Variants in KAT2A observed in about 807,000 individuals in gnomAD.
KAT2A encodes the protein lysine acetyltransferase 2A.
A neutral mutation model predicts 95.2 loss-of-function variants in KAT2A; 42 were observed. The ratio of observed to expected loss-of-function variants is 0.44; its 90% CI spans 0.34 to 0.57. KAT2A has a LOEUF of 0.57. KAT2A is among the 20% of genes least tolerant of loss of function. KAT2A has a pLI of 0.01. For synonymous variants in KAT2A, 449 were observed against 448.2 expected, an observed-to-expected ratio of 1.00 and a Z score of -0.02; for missense variants, 784 against 1,126.3, an observed-to-expected ratio of 0.70 and a Z score of 4.35.
In KAT2A at chr17:42,121,334, C is replaced by A; in HGVS notation, c.-30G>T. The A allele has an allele frequency of 7.3e-7, 1 of 1,364,022 alleles. No individual in the cohort carries two copies. The highest frequency in any genetic ancestry group is 2.7e-4 in the Middle Eastern group (1 of 3,668). The allele number at this position is 1,364,022 out of a possible 1,614,324, so 84.5% of individuals were successfully genotyped here. A position where few individuals can be genotyped will look rare whatever the true frequency, so the allele number is the denominator to read the frequency against. On this transcript the variant is annotated 5_prime_UTR_variant, in exon 1 of 18. Coordinates refer to ENST00000225916, the MANE Select transcript of KAT2A (RefSeq NM_021078.3). ...TCCCCCGCAGCGGAGAGCGGCGCCG[C>A]GCTCCCAGCCCTAGGGCCGCATGGG...
Position 42,114,718 on chromosome 17 carries a change from C to T in KAT2A, c.2020-114G>A. 2 of 1,159,614 alleles carry T rather than the reference C, an allele frequency of 1.7e-6. No individual in the cohort carries two copies. The highest frequency in any genetic ancestry group is 1.4e-5 in the South Asian group (1 of 74,004). 71.8% of individuals were successfully genotyped at this position (1,159,614 alleles called of 1,614,324 possible). A position where few individuals can be genotyped will look rare whatever the true frequency, so the allele number is the denominator to read the frequency against. ...CCAGCTGCAACGCCACCTAATCCAG[C>T]ACCTCCCCTCATAACTTCCCCAAGG... On this transcript the variant is annotated intron_variant, in intron 13 of 17. Transcript: ENST00000225916. This position sits in a 1 kb window ranked among gnomAD's most constrained non-coding sequence, Gnocchi z 6.0.
At chr17:42,120,644 G>C (rs957524324) in intron 2 of KAT2A, 62 bp downstream of exon 2, 217 of 1,606,308 alleles carry the variant, frequency 1.4e-4, no homozygotes, top group Non-Finnish European at 1.8e-4. Context: ...TGTGGCACTT[G>C]TCACCCTGTC....
intron 11 of KAT2A, among the ~76,000 whole-genome samples, chr17:42,116,130 C>T (rs961342447): frequency 1.1e-4 from 16 of 152,146 alleles, no homozygotes; most frequent in African/African-American, 3.4e-4. Flanking sequence ...AAGAGAAAAC[C>T]GAAACTCAGC....
At chr17:42,118,972 T>C in intron 6 of KAT2A, 1 of 1,237,360 alleles carries the variant, frequency 8.1e-7, no homozygotes, top group Non-Finnish European at 1.0e-6. Context: ...TGAGGCTGTG[T>C]CCAGGCCCCC....
rs1290950050 is a variant in KAT2A, at chr17:42,117,242, G to C, written c.1638-81C>G. ...GCCCTGGAAGTCTGAGCTGTAGTCAGGGTTGGGCAGTGAGAAGTAAGAATG... is the reference window on the plus strand; with the variant it reads ...GCCCTGGAAGTCTGAGCTGTAGTCACGGTTGGGCAGTGAGAAGTAAGAATG... On this transcript the variant is annotated intron_variant, in intron 10 of 17. Transcript: ENST00000225916. The surrounding 1 kb of genome is among the most constrained non-coding windows in gnomAD (Gnocchi z 8.9). The C allele has an allele frequency of 6.3e-7, 1 of 1,585,580 alleles. No individual in the cohort carries two copies.
At chr17:42,116,997 G>A in intron 11 of KAT2A, 38 bp downstream of exon 11, 1 of 1,611,046 alleles carries the variant, frequency 6.2e-7, no homozygotes, top group Non-Finnish European at 8.5e-7. Context: ...TCAGGAGTGG[G>A]CCGTGGACTG....
Position 42,117,922 on chromosome 17 carries a change from C to A in KAT2A, c.1276G>T (p.Ala426Ser), listed in dbSNP as rs1320004538. ...NSSLSLDSAGAEPMPGEKRTL... is the reference protein window; with the variant it reads ...NSSLSLDSAGSEPMPGEKRTL... ...AAGTATCCACCTGGCATAGGCTCGG[C>A]CCCTGCAGAATCCAGACTCAGGGAG... The change falls in exon 8 of 18, where the codon GCC becomes TCC. Residue 426 changes from alanine (A) to serine (S), a missense_variant. By Grantham distance (99) the Ala-to-Ser change is moderately conservative. This residue lies in a region of KAT2A where 174 missense variants were observed against 324.9 expected (regional missense o/e 0.54). Coordinates refer to ENST00000225916, the MANE Select transcript of KAT2A (RefSeq NM_021078.3). This position sits in a 1 kb window ranked among gnomAD's most constrained non-coding sequence, Gnocchi z 8.9. 2 of 1,604,762 alleles carry A rather than the reference C, an allele frequency of 1.2e-6. No homozygotes were observed. Among genetic ancestry groups the A allele is most frequent in the Non-Finnish European group, 8.5e-7 (1 of 1,174,254 alleles).
chr17:42,115,882 T>G, intron 11 of KAT2A, 49 bp from the exon 12 acceptor site: 1 of 1,063,242 alleles, frequency 9.4e-7, no homozygotes, highest in South Asian at 1.2e-5. Flanking sequence ...ATGGGCCTGG[T>G]GCTGGAGAGG....
Position 42,113,641 on chromosome 17 carries a change from AG to A in KAT2A, c.*7del. ...ATTCCAGGTCAGGGCTGCGGCCCAA[AG>A]ATGGGCCTACTTGTCAATGAGGCCT... On this transcript the variant is annotated 3_prime_UTR_variant, in exon 18 of 18. Coordinates refer to ENST00000225916, the MANE Select transcript of KAT2A (RefSeq NM_021078.3). 1 of 1,603,162 alleles carries A rather than the reference AG, an allele frequency of 6.2e-7. No individual in the cohort carries two copies. The highest frequency in any genetic ancestry group is 8.5e-7 in the Non-Finnish European group (1 of 1,176,734).
chr17:42,116,752 G>A (rs1050090477), intron 11 of KAT2A, among the ~76,000 whole-genome samples: 1 of 152,290 alleles, frequency 6.6e-6, no homozygotes, highest in South Asian at 2.1e-4. Context: ...AAAAAGTAAA[G>A]TAATTAATTC....
Position 42,113,889 on chromosome 17 carries a change from C to T in KAT2A, c.2321-47G>A, listed in dbSNP as rs375057250. 220 of 1,512,624 alleles carry T rather than the reference C, an allele frequency of 1.5e-4. 1 individual carries two copies. In the African/African-American group the frequency reaches 2.6e-3, roughly 18 times the overall value. The allele number at this position is 1,512,624 out of a possible 1,614,324, so 93.7% of individuals were successfully genotyped here. A position where few individuals can be genotyped will look rare whatever the true frequency, so the allele number is the denominator to read the frequency against. On this transcript the variant is annotated intron_variant, in intron 17 of 17. Coordinates refer to ENST00000225916, the MANE Select transcript of KAT2A (RefSeq NM_021078.3). The stretch of plus-strand genomic sequence containing the variant: ...CACAGCTTTAAGAGGCTGAAGACCA[C>T]GGCAGGGCTGTCCACCAGGGTGGGC...
Position 42,115,720 on chromosome 17 carries a change from C to A in KAT2A, c.1875+3G>T. Reference sequence around the variant, plus strand: ...ACCGGTGTGGGACGAGGCTACGGGTCACCTGCTTTTTGAAGTAGCCGATGG... The same window carrying A: ...ACCGGTGTGGGACGAGGCTACGGGTAACCTGCTTTTTGAAGTAGCCGATGG... On this transcript the variant is annotated splice_donor_region_variant and intron_variant, in intron 12 of 17. Coordinates refer to ENST00000225916, the MANE Select transcript of KAT2A (RefSeq NM_021078.3). The A allele has an allele frequency of 1.3e-6, 2 of 1,593,416 alleles. No individual in the cohort carries two copies. Among genetic ancestry groups the A allele is most frequent in the South Asian group, 2.2e-5 (2 of 90,644 alleles).
chr17:42,117,439 T>C lies in KAT2A; in HGVS notation c.1586A>G (p.His529Arg). 1 of 1,612,548 alleles carries C rather than the reference T, an allele frequency of 6.2e-7. No individual in the cohort carries two copies. The highest frequency in any genetic ancestry group is 2.2e-5 in the East Asian group (1 of 44,848). Residue 529 changes from histidine (H) to arginine (R), a missense_variant, in exon 10 of 18, where the codon CAC (histidine) becomes CGC (arginine). Coordinates refer to ENST00000225916, the MANE Select transcript of KAT2A (RefSeq NM_021078.3). This position sits in a 1 kb window ranked among gnomAD's most constrained non-coding sequence, Gnocchi z 8.9. ...CTCCTTAGGCATGCGCGGCAGCTGG[T>C]GGGAAAAGACATTCTGCAGCCCCAC... ...WLVGLQNVFSHQLPRMPKEYI... is the reference protein window; with the variant it reads ...WLVGLQNVFSRQLPRMPKEYI...
intron 11 of KAT2A, among the ~76,000 whole-genome samples, chr17:42,116,417 C>A (rs2054259155): frequency 6.6e-6 from 1 of 152,238 alleles, no homozygotes; most frequent in African/African-American, 2.4e-5. Context: ...CATAGGGCTA[C>A]TGTAATAATG....
At chr17:42,115,328 C>T (rs1340718474) in intron 12 of KAT2A, among the ~76,000 whole-genome samples, 1 of 128,946 alleles carries the variant, frequency 7.8e-6, no homozygotes, top group East Asian at 2.7e-4. Context: ...CTCTACTGGC[C>T]CCCCAGTTCC....
rs781909225 is a variant in KAT2A, at chr17:42,118,002, G to A, written c.1196C>T (p.Ala399Val). 1.5e-5 allele frequency: 24 copies of A among 1,596,896 alleles called. No homozygotes were observed. Among genetic ancestry groups the A allele is most frequent in the African/African-American group, 4.2e-5 (3 of 72,246 alleles). ...LVPRPASVSA[A>V]VVPSTPIFSP... ...GAAGATGGGGGTGCTGGGAACAACC[G>A]CTGCACTGACTGAAGCTGAGGAGAG... The change falls in exon 8 of 18, where the codon GCG (alanine) becomes GTG (valine). Residue 399 changes from alanine (A) to valine (V), a missense_variant. Ala to Val is a moderately conservative substitution (Grantham distance 64, BLOSUM62 0). Around this residue, in one of 6 missense-constraint regions of KAT2A, gnomAD observed 63 missense variants for 70.1 expected, o/e 0.90. Coordinates refer to ENST00000225916, the MANE Select transcript of KAT2A (RefSeq NM_021078.3).
In KAT2A at chr17:42,119,890, C is replaced by T; in HGVS notation, c.699+140G>A. 1.0e-6 allele frequency: 1 copy of T among 975,356 alleles called. No homozygotes were observed. The highest frequency in any genetic ancestry group is 1.6e-6 in the Non-Finnish European group (1 of 636,194). 60.4% of individuals were successfully genotyped at this position (975,356 alleles called of 1,614,324 possible). On this transcript the variant is annotated intron_variant, in intron 4 of 17. Coordinates refer to ENST00000225916, the MANE Select transcript of KAT2A (RefSeq NM_021078.3). The surrounding 1 kb of genome is among the most constrained non-coding windows in gnomAD (Gnocchi z 5.3). ...CCCCCTCCCTACCACCATGCCCACC[C>T]TGAGGTTAGCACAAAACACCCTTCC...
rs9303326 is a variant in KAT2A at position 42,114,374 on chromosome 17, A to G, written c.2155T>C (p.Leu719=). The G allele has an allele frequency of 2.7e-3, 4,402 of 1,613,928 alleles. 55 individuals are homozygous for G. The African/African-American group carries it at 0.035, about 13-fold the overall frequency. ...PGIRETGWKP[L]GKEKGKELKD... ...GACACTCACCCCTTCTCCTTCCCCA[A>G]TGGCTTCCAGCCTGTCTCTCCTGCA... is the stretch of plus-strand genomic sequence containing the variant. The change falls in exon 15 of 18, where the codon TTG becomes CTG. Residue 719 remains leucine (L), a synonymous_variant. Coordinates refer to ENST00000225916, the MANE Select transcript of KAT2A (RefSeq NM_021078.3). This position sits in a 1 kb window ranked among gnomAD's most constrained non-coding sequence, Gnocchi z 6.0.
At position 42,114,587 on chromosome 17, in the gene KAT2A, A is replaced by T. The variant is rs182644731; in HGVS notation, c.2037T>A (p.Ile679=). ...TGCGGATCTGGGCCTGTTTGCGCTC[A>T]ATCAGCTTCTTGATGATCTGAGGGA... The part of the protein sequence containing the change: ...KKQKEIIKKL[I]ERKQAQIRKV... The change falls in exon 14 of 18, where the codon ATT becomes ATA. Residue 679 remains isoleucine (I), a synonymous_variant. Transcript: ENST00000225916. The surrounding 1 kb of genome is among the most constrained non-coding windows in gnomAD (Gnocchi z 6.0). 194 of 1,613,820 alleles carry T rather than the reference A, an allele frequency of 1.2e-4. No homozygotes were observed. The highest frequency in any genetic ancestry group is 3.8e-4 in the Admixed American group (23 of 60,004).
Sources: gnomAD v4.1 joint callset for allele counts (sites outside exome capture counted in the v4.1 genomes callset) on GRCh38, gnomAD v4.1.1 for gene constraint, gnomAD v4.1.1 regional missense constraint, Gnocchi (gnomAD v3.1) non-coding constraint, MANE v1.5 for transcripts, NCBI Gene and HGNC (gene_info 2026-07-23, HGNC 2026-07-21) for gene names.